The following PLPP1 variants were observed in gnomAD, a reference collection of about 807,000 sequenced individuals.
The protein encoded by PLPP1 is lipid phosphate phosphohydrolase 1a.
PLPP1 carries 24 observed loss-of-function variants against 31.2 expected under a neutral mutation model. That is an observed-to-expected ratio of 0.77 (90% CI 0.56 to 1.08). The LOEUF is 1.08. Ranked by LOEUF, PLPP1 falls within the 50% of genes least tolerant of loss-of-function variation. The probability of loss-of-function intolerance (pLI) is 0.00; values close to 1 mark genes in which losing one functional copy is unlikely to be tolerated. For missense variants in PLPP1, 319 were observed against 342.7 expected, an observed-to-expected ratio of 0.93 and a Z score of 0.55; for synonymous variants, 146 against 126.3, an observed-to-expected ratio of 1.16 and a Z score of -1.05.
intron 3 of PLPP1, among the ~76,000 whole-genome samples, chr5:55,448,450 T>A (rs1016015817): frequency 0.043 from 151 of 3,514 alleles, 1 homozygote; most frequent in African/African-American, 0.095. Context: ...TTCTAGCACC[T>A]TTTTTTTTTT....
At chr5:55,437,895 A>T (rs10805474) in intron 4 of PLPP1, among the ~76,000 whole-genome samples, 132,188 of 151,842 alleles carry the variant, frequency 0.87, 57,776 homozygotes, top group South Asian at 0.92. Flanking sequence ...CAATGCTAGG[A>T]GGTATACAGT....
chr5:55,483,492 T>C, intron 1 of PLPP1, among the ~76,000 whole-genome samples: 1 of 151,974 alleles, frequency 6.6e-6, no homozygotes, highest in East Asian at 1.9e-4. Context: ...GCCAATGTAG[T>C]GAAACTCCGT....
intron 1 of PLPP1, among the ~76,000 whole-genome samples, chr5:55,495,648 A>G (rs1383481359): frequency 6.6e-6 from 1 of 152,126 alleles, no homozygotes; most frequent in Non-Finnish European, 1.5e-5. Flanking sequence ...AGTATTGAGC[A>G]TTGTTCAATA....
intron 1 of PLPP1, among the ~76,000 whole-genome samples, chr5:55,520,382 C>A (rs1159975636): frequency 6.6e-6 from 1 of 152,234 alleles, no homozygotes; most frequent in African/African-American, 2.4e-5. Flanking sequence ...AAGTCACCAA[C>A]ACATGAAATC....
At chr5:55,465,041 G>A (rs1029304480) in intron 3 of PLPP1, among the ~76,000 whole-genome samples, 2 of 97,470 alleles carry the variant, frequency 2.1e-5, no homozygotes, top group Non-Finnish European at 4.0e-5. Context: ...ATGTGGGGCG[G>A]AGGTGGTTTT....
At chr5:55,469,339 A>G (rs2111792505) in intron 2 of PLPP1, among the ~76,000 whole-genome samples, 1 of 152,044 alleles carries the variant, frequency 6.6e-6, no homozygotes, top group South Asian at 2.1e-4. Context: ...AATACAAAAA[A>G]TTAGCCAGGA....
At chr5:55,531,702 A>G (rs554201914) in intron 1 of PLPP1, among the ~76,000 whole-genome samples, 17 of 152,358 alleles carry the variant, frequency 1.1e-4, no homozygotes, top group African/African-American at 3.8e-4. Context: ...TAAAATGAAT[A>G]CAAATCAAAT....
At chr5:55,524,747 T>C (rs1453016101) in intron 1 of PLPP1, among the ~76,000 whole-genome samples, 1 of 152,064 alleles carries the variant, frequency 6.6e-6, no homozygotes, top group East Asian at 1.9e-4. Context: ...AAGGCAGAGG[T>C]TGCAGTGAGC....
intron 1 of PLPP1, among the ~76,000 whole-genome samples, chr5:55,513,158 T>C (rs1438379893): frequency 2.0e-5 from 3 of 152,256 alleles, no homozygotes; most frequent in African/African-American, 7.2e-5. Context: ...CAATGAAGTC[T>C]CCCTTATTAG....
intron 2 of PLPP1, among the ~76,000 whole-genome samples, 182 bp downstream of exon 2, chr5:55,475,117 A>G (rs1235744096): frequency 6.6e-6 from 1 of 152,092 alleles, no homozygotes. Flanking sequence ...ACAATTACAC[A>G]TTGTTATTTT....
At chr5:55,533,044 G>A (rs1339113074) in intron 1 of PLPP1, among the ~76,000 whole-genome samples, 1 of 151,608 alleles carries the variant, frequency 6.6e-6, no homozygotes, top group Non-Finnish European at 1.5e-5. Flanking sequence ...TAAACAGGAA[G>A]TGTCTTGGGA....
At chr5:55,439,433 G>C (rs1751570445) in intron 4 of PLPP1, among the ~76,000 whole-genome samples, 2 of 152,162 alleles carry the variant, frequency 1.3e-5, no homozygotes, top group Non-Finnish European at 2.9e-5. Flanking sequence ...TGACCACTTA[G>C]AAGCAGTGGA....
chr5:55,516,723 C>T (rs1753561595), intron 1 of PLPP1, among the ~76,000 whole-genome samples: 1 of 152,148 alleles, frequency 6.6e-6, no homozygotes, highest in Admixed American at 6.5e-5. Flanking sequence ...CTTTATGTAT[C>T]CCATGAACAC....
rs117392866 is a variant in PLPP1 at position 55,451,490 on chromosome 5, G to A, written c.492-9582C>T. ...TATTCCTTTAAGATTAAAACCAGAC[G>A]ATGTCACTACAGCTCATGTTACCAG... is the stretch of plus-strand genomic sequence containing the variant. On this transcript the variant is annotated intron_variant, in intron 3 of 5. Transcript: ENST00000307259. Among the ~76,000 whole-genome samples, 149 of 151,906 alleles carry A rather than the reference G, an allele frequency of 9.8e-4. 1 individual carries two copies. The East Asian group carries it at 0.027, about 27-fold the overall frequency.
At chr5:55,525,266 T>C (rs912909260) in intron 1 of PLPP1, among the ~76,000 whole-genome samples, 8 of 152,238 alleles carry the variant, frequency 5.3e-5, no homozygotes, top group African/African-American at 1.9e-4. Flanking sequence ...TGCAAGGCAC[T>C]TTACATATTG....
At chr5:55,457,185 A>G (rs978443037) in intron 3 of PLPP1, among the ~76,000 whole-genome samples, 1 of 151,986 alleles carries the variant, frequency 6.6e-6, no homozygotes, top group African/African-American at 2.4e-5. Context: ...AAAAAGCTAT[A>G]AATAATAATT....
chr5:55,513,759 C>T (rs959148416), intron 1 of PLPP1, among the ~76,000 whole-genome samples: 4 of 152,054 alleles, frequency 2.6e-5, no homozygotes, highest in African/African-American at 7.2e-5. Context: ...GACCAGGACT[C>T]GACAAAAATT....
chr5:55,434,654 A>C (rs1751449669), intron 4 of PLPP1, among the ~76,000 whole-genome samples: 1 of 152,190 alleles, frequency 6.6e-6, no homozygotes, highest in Non-Finnish European at 1.5e-5. Context: ...CTTTTGACAG[A>C]GGTACCAAGA....
intron 1 of PLPP1, among the ~76,000 whole-genome samples, chr5:55,501,415 A>G (rs1753142681): frequency 6.6e-6 from 1 of 152,274 alleles, no homozygotes; most frequent in Non-Finnish European, 1.5e-5. Flanking sequence ...GTAGCCCTAC[A>G]GCAAAATAAT....
Sources: allele counts gnomAD v4.1 joint callset (sites outside exome capture counted in the v4.1 genomes callset), GRCh38; gene constraint gnomAD v4.1.1; transcripts MANE v1.5; gene names NCBI Gene and HGNC (gene_info 2026-07-23, HGNC 2026-07-21).